Variants in ATG10 observed in about 807,000 individuals in gnomAD.
ATG10 encodes the protein autophagy related 10, also known as ubiquitin-like-conjugating enzyme ATG10.
Under a neutral mutation model 32.1 loss-of-function variants are expected in ATG10, and 30 were observed. The ratio of observed to expected loss-of-function variants is 0.94; its 90% CI spans 0.70 to 1.27. ATG10 has a LOEUF of 1.27. Ranked by LOEUF, ATG10 falls within the 50% of genes most tolerant of loss-of-function variation. The pLI, the probability that ATG10 is intolerant of heterozygous loss-of-function variation, is 0.00. For synonymous variants in ATG10, 87 were observed against 91.5 expected, an observed-to-expected ratio of 0.95 and a Z score of 0.28; for missense variants, 233 against 262.3, an observed-to-expected ratio of 0.89 and a Z score of 0.77.
chr5:82,059,129 A>C (rs1763691537), intron 3 of ATG10, among the ~76,000 whole-genome samples: 2 of 152,110 alleles, frequency 1.3e-5, no homozygotes, highest in African/African-American at 4.8e-5. Flanking sequence ...GGGGACTTTA[A>C]CCTTGACTTG....
At chr5:82,178,846 T>C (rs190120013) in intron 5 of ATG10, among the ~76,000 whole-genome samples, 48 of 152,294 alleles carry the variant, frequency 3.2e-4, no homozygotes, top group Non-Finnish European at 5.0e-4. Flanking sequence ...CATATTAGGA[T>C]GATTTAAAAA....
At chr5:82,179,445 C>T (rs955228187) in intron 5 of ATG10, among the ~76,000 whole-genome samples, 2 of 151,942 alleles carry the variant, frequency 1.3e-5, no homozygotes, top group Non-Finnish European at 2.9e-5. Context: ...CAGTTTTACT[C>T]ATAAATACAT....
intron 3 of ATG10, among the ~76,000 whole-genome samples, chr5:82,095,626 G>A (rs1044823942): frequency 1.3e-5 from 2 of 151,944 alleles, no homozygotes; most frequent in Non-Finnish European, 2.9e-5. Flanking sequence ...AATTTTAACC[G>A]GGAGTGGTGT....
At chr5:82,248,377 C>T (rs1002008871) in intron 5 of ATG10, among the ~76,000 whole-genome samples, 2 of 152,180 alleles carry the variant, frequency 1.3e-5, no homozygotes, top group African/African-American at 4.8e-5. Context: ...AGGCCAGCCC[C>T]TCTGGCTACA....
chr5:82,012,770 C>G (rs1296056970), intron 2 of ATG10, among the ~76,000 whole-genome samples: 1 of 152,116 alleles, frequency 6.6e-6, no homozygotes, highest in Non-Finnish European at 1.5e-5. Context: ...ATTCTCCCAC[C>G]TCAGCCTCTC....
At chr5:82,206,030 TGAC>T (rs1745275268) in intron 5 of ATG10, among the ~76,000 whole-genome samples, 1 of 152,200 alleles carries the variant, frequency 6.6e-6, no homozygotes, top group African/African-American at 2.4e-5. Context: ...TGAGAATAGT[TGAC>T]TAAGAGATCT....
chr5:82,135,869 T>C (rs1407296722), intron 3 of ATG10, among the ~76,000 whole-genome samples: 2 of 152,148 alleles, frequency 1.3e-5, no homozygotes, highest in African/African-American at 4.8e-5. Flanking sequence ...TCTTTGTAGG[T>C]CTCTAAGAAC....
At chr5:81,990,339 A>G (rs1761416904) in intron 2 of ATG10, among the ~76,000 whole-genome samples, 1 of 152,018 alleles carries the variant, frequency 6.6e-6, no homozygotes, top group Non-Finnish European at 1.5e-5. Context: ...TCTTTAAGAA[A>G]TTTTTCTTTA....
At chr5:82,169,489 T>G (rs1743720306) in intron 4 of ATG10, among the ~76,000 whole-genome samples, 1 of 152,100 alleles carries the variant, frequency 6.6e-6, no homozygotes, top group Non-Finnish European at 1.5e-5. Flanking sequence ...TAAGGCAGCT[T>G]GTTGAATAGG....
At chr5:82,079,628 TCC>T (rs36191241) in intron 3 of ATG10, among the ~76,000 whole-genome samples, 1 of 152,056 alleles carries the variant, frequency 6.6e-6, no homozygotes, top group African/African-American at 2.4e-5. Context: ...TGTTTTTTTT[TCC>T]CTGTGATAGT....
At chr5:82,106,670 G>A (rs1412356453) in intron 3 of ATG10, among the ~76,000 whole-genome samples, 2 of 151,876 alleles carry the variant, frequency 1.3e-5, no homozygotes, top group African/African-American at 2.4e-5. Context: ...ATCTTACTAT[G>A]GTATCATTTT....
intron 2 of ATG10, among the ~76,000 whole-genome samples, chr5:82,005,231 CT>C (rs766431281): frequency 2.0e-5 from 3 of 152,126 alleles, no homozygotes; most frequent in Non-Finnish European, 2.9e-5. Context: ...TACATATATG[CT>C]TCCTTTTGTC....
In ATG10 at chr5:82,058,552, A is replaced by C. The variant is rs1290938929; in HGVS notation, c.166A>C (p.Met56Leu). The C allele has an allele frequency of 1.9e-6, 3 of 1,613,338 alleles. No homozygotes were observed. The highest frequency in any genetic ancestry group is 2.2e-5 in the South Asian group (2 of 91,028). Residue 56 changes from methionine (M) to leucine (L), a missense_variant, in exon 3 of 8, where the codon ATG becomes CTG. Transcript: ENST00000282185. ...CTTTCAAATTAAGAATGGGTCTGTG[A>C]TGTCACATCTAGGAGCATCTACCCA... ...IHFQIKNGSV[M>L]SHLGASTHGQ...
intron 3 of ATG10, among the ~76,000 whole-genome samples, chr5:82,109,950 T>TCC (rs5869105): frequency 2.8e-5 from 4 of 145,414 alleles, no homozygotes; most frequent in African/African-American, 5.0e-5. Flanking sequence ...CTATCCCCCA[T>TCC]CCCCCCACCC....
chr5:82,131,908 G>A (rs1450018613), intron 3 of ATG10, among the ~76,000 whole-genome samples: 2 of 151,938 alleles, frequency 1.3e-5, no homozygotes, highest in Non-Finnish European at 2.9e-5. Context: ...TTCCAATCAT[G>A]GCAGAAGGCA....
At chr5:82,013,608 T>G (rs1408073180) in intron 2 of ATG10, among the ~76,000 whole-genome samples, 1 of 152,222 alleles carries the variant, frequency 6.6e-6, no homozygotes, top group Non-Finnish European at 1.5e-5. Context: ...TTGTACTATC[T>G]TAAATTCCCA....
intron 3 of ATG10, among the ~76,000 whole-genome samples, chr5:82,124,770 T>C (rs1766192373): frequency 6.6e-6 from 1 of 152,156 alleles, no homozygotes; most frequent in Non-Finnish European, 1.5e-5. Context: ...TGTGTCTTTA[T>C]AGTAGCATGA....
At chr5:82,087,960 T>A (rs2629740) in intron 3 of ATG10, among the ~76,000 whole-genome samples, 150,185 of 152,248 alleles carry the variant, frequency 0.99, 74,102 homozygotes, top group Middle Eastern at 1. Flanking sequence ...AGCTTTTTGT[T>A]TACCAATTAT....
At chr5:82,204,683 A>G (rs1025467602) in intron 5 of ATG10, among the ~76,000 whole-genome samples, 2 of 152,202 alleles carry the variant, frequency 1.3e-5, no homozygotes, top group African/African-American at 4.8e-5. Flanking sequence ...GAAATAAAGA[A>G]TGATACTAGA....
Sources: allele counts gnomAD v4.1 joint callset (sites outside exome capture counted in the v4.1 genomes callset), GRCh38; gene constraint gnomAD v4.1.1; transcripts MANE v1.5; gene names NCBI Gene and HGNC (gene_info 2026-07-23, HGNC 2026-07-21).